SAMD5: variants seen among roughly 807,000 people sequenced by gnomAD.
SAMD5 encodes sterile alpha motif domain containing 5.
In SAMD5, 13 loss-of-function variants were observed where a neutral mutation model predicts 11.3. The observed-to-expected ratio is 1.15, with a 90% confidence interval of 0.75 to 1.83. SAMD5 has a LOEUF of 1.83. Among genes scored for constraint, SAMD5 ranks in the 40% most tolerant of loss-of-function variants. SAMD5 has a pLI of 0.00. For missense variants in SAMD5, 255 were observed against 239.1 expected (o/e 1.07, Z -0.44); for synonymous variants, 129 against 111.3 (o/e 1.16, Z -1.00).
At chr6:147,558,595 C>CT (rs1788894608) in intron 1 of SAMD5, among the ~76,000 whole-genome samples, 1 of 152,014 alleles carries the variant, frequency 6.6e-6, no homozygotes, top group Admixed American at 6.6e-5. Flanking sequence ...ATTTTCGAAT[C>CT]TCCCCCCCGT....
chr6:147,840,182 A>G, the SAMD5 span, among the ~76,000 whole-genome samples: 1 of 152,210 alleles, frequency 6.6e-6, no homozygotes, highest in Admixed American at 6.5e-5. Context: ...TTTTGCTCAC[A>G]TTTACATTAG....
chr6:147,509,190 G>T lies in SAMD5; in HGVS notation c.262G>T (p.Asp88Tyr). 3 of 1,286,060 alleles carry T rather than the reference G, an allele frequency of 2.3e-6. No individual in the cohort carries two copies. The highest frequency in any genetic ancestry group is 6.0e-5 in the South Asian group (2 of 33,604). The allele number at this position is 1,286,060 out of a possible 1,614,324, so 79.7% of individuals were successfully genotyped here. The change falls in exon 1 of 2, where the codon GAC (aspartate) becomes TAC (tyrosine). Residue 88 changes from aspartate (D) to tyrosine (Y), a missense_variant. Transcript: ENST00000367474. ...PQPAPPGPPA[D>Y]AVPTGRRGEP... is the part of the protein sequence containing the mutation. ...GCCGGCGCCCCCCGGGCCGCCCGCC[G>T]ACGCCGTCCCCACCGGCCGCCGGGG...
In SAMD5 at chr6:147,565,849, G is replaced by A. The variant is rs903385646; in HGVS notation, c.*1393G>A. On this transcript the variant is annotated 3_prime_UTR_variant, in exon 2 of 2. Coordinates refer to ENST00000367474, the MANE Select transcript of SAMD5 (RefSeq NM_001030060.3). ...GTTGAAAGAAGCCATGGCAAAAGAT[G>A]TTGACGTACAACTGGCTCCTGAGGC... The A allele has an allele frequency of 2.0e-6, 2 of 985,400 alleles. No homozygotes were observed. Among genetic ancestry groups the A allele is most frequent in the Non-Finnish European group, 2.4e-6 (2 of 829,916 alleles). The allele number at this position is 985,400 out of a possible 1,614,324, so 61.0% of individuals were successfully genotyped here. A position where few individuals can be genotyped will look rare whatever the true frequency, so the allele number is the denominator to read the frequency against.
intron 1 of SAMD5, among the ~76,000 whole-genome samples, chr6:147,575,826 G>T (rs780452698): frequency 6.6e-6 from 1 of 152,134 alleles, no homozygotes; most frequent in African/African-American, 2.4e-5. Context: ...CCATTATTCT[G>T]TATTTCATGG....
chr6:147,599,579 T>C (rs1789585237), intron 1 of SAMD5, among the ~76,000 whole-genome samples: 1 of 152,214 alleles, frequency 6.6e-6, no homozygotes, highest in Non-Finnish European at 1.5e-5. Flanking sequence ...TAAAAGGACA[T>C]GTCCACATAC....
chr6:147,671,812 A>G (rs967740108), intron 1 of SAMD5, among the ~76,000 whole-genome samples: 2 of 150,294 alleles, frequency 1.3e-5, no homozygotes, highest in Non-Finnish European at 3.0e-5. Context: ...CTAGTGCCAC[A>G]TTTTGAAAAT....
At chr6:147,510,156 A>G (rs1296135298) in intron 1 of SAMD5, among the ~76,000 whole-genome samples, 2 of 152,188 alleles carry the variant, frequency 1.3e-5, no homozygotes, top group African/African-American at 2.4e-5. Flanking sequence ...GTGGACCTGC[A>G]TTTGGGAGAG....
At chr6:147,726,003 G>T (rs550482557) in intron 1 of SAMD5, among the ~76,000 whole-genome samples, 38 of 152,294 alleles carry the variant, frequency 2.5e-4, no homozygotes, top group Middle Eastern at 6.8e-3. Flanking sequence ...AGCTTGTGAG[G>T]CAAACAGATT....
chr6:147,758,553 A>T, the SAMD5 span, among the ~76,000 whole-genome samples: 3 of 152,186 alleles, frequency 2.0e-5, no homozygotes, highest in Non-Finnish European at 4.4e-5. Context: ...TGGATTGTTC[A>T]TTTTGCAGTA....
chr6:147,816,281 C>CAAAAAAAAAAAAAAAAAAAAA, the SAMD5 span, among the ~76,000 whole-genome samples: 1 of 27,844 alleles, frequency 3.6e-5, no homozygotes, highest in Non-Finnish European at 5.8e-5. Context: ...ACTCCGTCTC[C>CAAAAAAAAAAAAAAAAAAAAA]AAAAAAAAAA....
chr6:147,731,880 C>T (rs1791720866), intron 1 of SAMD5, among the ~76,000 whole-genome samples: 1 of 152,046 alleles, frequency 6.6e-6, no homozygotes, highest in Admixed American at 6.5e-5. Flanking sequence ...TGTTAAGGGG[C>T]AAGACCTGTG....
intron 1 of SAMD5, among the ~76,000 whole-genome samples, chr6:147,649,616 A>G (rs1445827347): frequency 1.3e-5 from 2 of 152,018 alleles, no homozygotes; most frequent in Middle Eastern, 3.4e-3. Flanking sequence ...ACATGACAAA[A>G]CTCCGTTTCT....
At chr6:147,833,572 C>G in the SAMD5 span, among the ~76,000 whole-genome samples, 35 of 152,160 alleles carry the variant, frequency 2.3e-4, no homozygotes, top group African/African-American at 8.2e-4. Flanking sequence ...TTTTGCAGGA[C>G]AGTATCATTT....
the SAMD5 span, among the ~76,000 whole-genome samples, chr6:147,888,654 A>C: frequency 6.6e-6 from 1 of 152,056 alleles, no homozygotes; most frequent in African/African-American, 2.4e-5. Context: ...AGGCTGAGGC[A>C]GATGTATCAC....
At chr6:147,884,042 T>G in the SAMD5 span, among the ~76,000 whole-genome samples, 1 of 152,188 alleles carries the variant, frequency 6.6e-6, no homozygotes, top group South Asian at 2.1e-4. Context: ...TTTTTAGTAT[T>G]TTTCTTCTAT....
the SAMD5 span, among the ~76,000 whole-genome samples, chr6:147,818,794 G>A: frequency 6.6e-6 from 1 of 152,228 alleles, no homozygotes; most frequent in South Asian, 2.1e-4. Context: ...TGCACAAGAA[G>A]GACTGTGACA....
At chr6:147,632,970 T>TA (rs148555636) in intron 1 of SAMD5, among the ~76,000 whole-genome samples, 5,947 of 152,246 alleles carry the variant, frequency 0.039, 211 homozygotes, top group African/African-American at 0.093. Context: ...CCTTCCTTAT[T>TA]AAGCACCTTT....
chr6:147,588,992 C>T (rs919920309), intron 1 of SAMD5, among the ~76,000 whole-genome samples: 20 of 152,014 alleles, frequency 1.3e-4, no homozygotes, highest in Admixed American at 6.6e-4. Flanking sequence ...AGGTCTCGCT[C>T]TGTCGCCGAG....
chr6:147,824,319 C>T, the SAMD5 span, among the ~76,000 whole-genome samples: 6 of 152,186 alleles, frequency 3.9e-5, no homozygotes, highest in East Asian at 1.9e-4. Flanking sequence ...TTAGCATCTT[C>T]GGGGAACTAT....
Sources: gnomAD v4.1 joint callset for allele counts (sites outside exome capture counted in the v4.1 genomes callset) on GRCh38, gnomAD v4.1.1 for gene constraint, MANE v1.5 for transcripts, NCBI Gene and HGNC (gene_info 2026-07-23, HGNC 2026-07-21) for gene names.